TMEM255B: variants seen among roughly 807,000 people sequenced by gnomAD.
The protein encoded by TMEM255B is transmembrane protein 255B, also known as family with sequence similarity 70, member B.
In TMEM255B, 35 loss-of-function variants were observed where a neutral mutation model predicts 34.5. The ratio of observed to expected loss-of-function variants is 1.01; its 90% CI spans 0.77 to 1.34. TMEM255B has a LOEUF of 1.34. Ranked by LOEUF, TMEM255B falls within the 40% of genes most tolerant of loss-of-function variation. The pLI is 0.00. For synonymous variants in TMEM255B, 206 were observed against 201.2 expected, an observed-to-expected ratio of 1.02 and a Z score of -0.20; for missense variants, 432 against 433.2, an observed-to-expected ratio of 1.00 and a Z score of 0.02.
At chr13:113,788,465 T>C (rs1447307190) in intron 3 of TMEM255B, among the ~76,000 whole-genome samples, 2 of 151,812 alleles carry the variant, frequency 1.3e-5, no homozygotes, top group Non-Finnish European at 2.9e-5. Context: ...GCTCAGGGGT[T>C]GCACTGCCTG....
chr13:113,799,328 TG>T lies in TMEM255B; in HGVS notation c.343-10del. On this transcript the variant is annotated splice_polypyrimidine_tract_variant and intron_variant, in intron 4 of 8. Coordinates refer to ENST00000375353, the MANE Select transcript of TMEM255B (RefSeq NM_182614.4). Reference sequence around the variant, plus strand: ...CTGTTTTATTCCATCTGTGTTTATCTGTTTCTCTAGGAACCGAGGCCCCTCA... The same window carrying T: ...CTGTTTTATTCCATCTGTGTTTATCTTTTCTCTAGGAACCGAGGCCCCTCA... 1 of 1,613,702 alleles carries T rather than the reference TG, an allele frequency of 6.2e-7. No individual in the cohort carries two copies. The highest frequency in any genetic ancestry group is 8.5e-7 in the Non-Finnish European group (1 of 1,179,940).
At chr13:113,796,917 A>T (rs1835923398) in intron 4 of TMEM255B, among the ~76,000 whole-genome samples, 1 of 151,442 alleles carries the variant, frequency 6.6e-6, no homozygotes, top group Admixed American at 6.6e-5. Context: ...GTGCGTGCGC[A>T]CGCATGCACA....
chr13:113,791,357 G>A (rs958637909), intron 3 of TMEM255B, among the ~76,000 whole-genome samples: 1 of 152,236 alleles, frequency 6.6e-6, no homozygotes, highest in Non-Finnish European at 1.5e-5. Context: ...GGCACCTGCC[G>A]GCCGCCGAGC....
rs2050438582 is a variant in TMEM255B at position 113,769,183 on chromosome 13, G to A, written c.252+23G>A. The A allele has an allele frequency of 6.2e-7, 1 of 1,613,436 alleles. No individual in the cohort carries two copies. Among genetic ancestry groups the A allele is most frequent in the Non-Finnish European group, 8.5e-7 (1 of 1,179,436 alleles). ...ATGGTAAGAAAGTACATGGGGTGGTGGGGAGCATGAGTCCCTCATCAGGGG... is the reference window on the plus strand; with the variant it reads ...ATGGTAAGAAAGTACATGGGGTGGTAGGGAGCATGAGTCCCTCATCAGGGG... On this transcript the variant is annotated intron_variant, in intron 3 of 8. Coordinates refer to ENST00000375353, the MANE Select transcript of TMEM255B (RefSeq NM_182614.4). The surrounding 1 kb of genome is among the most constrained non-coding windows in gnomAD (Gnocchi z 4.2).
intron 3 of TMEM255B, among the ~76,000 whole-genome samples, chr13:113,783,490 T>C (rs972926759): frequency 3.9e-5 from 6 of 152,088 alleles, no homozygotes; most frequent in African/African-American, 1.4e-4. Flanking sequence ...AAGTAAAGGA[T>C]TGGGCTATGT....
chr13:113,764,446 G>C (rs1044335100), intron 1 of TMEM255B, among the ~76,000 whole-genome samples: 1 of 152,188 alleles, frequency 6.6e-6, no homozygotes, highest in African/African-American at 2.4e-5. Context: ...GCGGCCTCTG[G>C]TGTCTCAGGA....
rs1193139411 is a variant in TMEM255B, at chr13:113,799,432, A to G, written c.423+13A>G. On this transcript the variant is annotated intron_variant, in intron 5 of 8. Coordinates refer to ENST00000375353, the MANE Select transcript of TMEM255B (RefSeq NM_182614.4). ...CTACCAGACAGAGGTGAGCAGGAGC[A>G]CTGAGATTCATGTGGGTTTTGCTCA... The G allele has an allele frequency of 2.0e-5, 32 of 1,612,316 alleles. No individual in the cohort carries two copies. The highest frequency in any genetic ancestry group is 2.7e-5 in the Non-Finnish European group (32 of 1,178,440).
chr13:113,776,340 C>G (rs926236635), intron 3 of TMEM255B, among the ~76,000 whole-genome samples: 3 of 152,236 alleles, frequency 2.0e-5, no homozygotes, highest in African/African-American at 7.2e-5. Flanking sequence ...TTTTAGGCCC[C>G]TGAGCTTGGA....
intron 3 of TMEM255B, among the ~76,000 whole-genome samples, chr13:113,789,424 A>G (rs542020279): frequency 6.6e-6 from 1 of 152,294 alleles, no homozygotes; most frequent in East Asian, 1.9e-4. Context: ...CCTGCTATGC[A>G]CGTTCTAGGT....
intron 4 of TMEM255B, 136 bp downstream of exon 4, chr13:113,795,373 C>A: frequency 1.2e-6 from 1 of 859,196 alleles, no homozygotes; most frequent in South Asian, 1.6e-5. Context: ...TTGCCAGTGA[C>A]TGTCTCTCCT....
At chr13:113,759,429 C>G in intron 1 of TMEM255B, 114 bp downstream of exon 1, 1 of 980,438 alleles carries the variant, frequency 1.0e-6, no homozygotes, top group East Asian at 3.3e-5. Context: ...AGACGCGGCA[C>G]GGGGTCTGGT....
intron 3 of TMEM255B, among the ~76,000 whole-genome samples, chr13:113,772,053 TG>T (rs2050487369): frequency 6.6e-6 from 1 of 152,214 alleles, no homozygotes; most frequent in South Asian, 2.1e-4. Context: ...GTGTGATAAG[TG>T]GTATCTCATT....
chr13:113,809,182 A>G (rs888242973), intron 8 of TMEM255B, among the ~76,000 whole-genome samples: 2 of 100,872 alleles, frequency 2.0e-5, no homozygotes, highest in East Asian at 3.3e-4. Context: ...TGGTTCCTGG[A>G]TGTTTACTCC....
In TMEM255B at chr13:113,813,527, C is replaced by A. The variant is rs1406626494; in HGVS notation, c.*1624C>A. On this transcript the variant is annotated 3_prime_UTR_variant, in exon 9 of 9. Transcript: ENST00000375353. Reference sequence around the variant, plus strand: ...CTCGTGCAGACACAGCCTCCTGCCCCCTCTGCTGCCCGGGAGCCTCCCTCT... The same window carrying A: ...CTCGTGCAGACACAGCCTCCTGCCCACTCTGCTGCCCGGGAGCCTCCCTCT... 2 of 149,062 alleles carry A rather than the reference C, an allele frequency of 1.3e-5. No individual in the cohort carries two copies. Among genetic ancestry groups the A allele is most frequent in the Non-Finnish European group, 3.0e-5 (2 of 65,958 alleles). 9.2% of individuals were successfully genotyped at this position (149,062 alleles called of 1,614,324 possible).
Position 113,813,188 on chromosome 13 carries a change from A to T in TMEM255B, c.*1285A>T, listed in dbSNP as rs1372880542. On this transcript the variant is annotated 3_prime_UTR_variant, in exon 9 of 9. Transcript: ENST00000375353. ...AGGGCGGGAGGGCGGGCGAGAGGTGATCCCATTGCTCCCCAGACGTGCCAC... is the reference window on the plus strand; with the variant it reads ...AGGGCGGGAGGGCGGGCGAGAGGTGTTCCCATTGCTCCCCAGACGTGCCAC... 2 of 151,926 alleles carry T rather than the reference A, an allele frequency of 1.3e-5. No individual in the cohort carries two copies. Among genetic ancestry groups the T allele is most frequent in the Admixed American group, 6.6e-5 (1 of 15,264 alleles). The allele number at this position is 151,926 out of a possible 1,614,324, so 9.4% of individuals were successfully genotyped here.
chr13:113,763,498 G>A (rs1566718037), intron 1 of TMEM255B, among the ~76,000 whole-genome samples: 3 of 152,210 alleles, frequency 2.0e-5, no homozygotes, highest in South Asian at 2.1e-4. Flanking sequence ...GCAAACGACC[G>A]TGAACATATA....
intron 8 of TMEM255B, among the ~76,000 whole-genome samples, chr13:113,808,633 C>T (rs1193977189): frequency 6.8e-6 from 1 of 146,176 alleles, no homozygotes; most frequent in African/African-American, 2.6e-5. Context: ...TTCCGTGGTT[C>T]CTGGGTGGTT....
At chr13:113,760,070 T>G (rs1232570247) in intron 1 of TMEM255B, among the ~76,000 whole-genome samples, 15 of 151,664 alleles carry the variant, frequency 9.9e-5, no homozygotes, top group Admixed American at 9.9e-4. Context: ...AGAAACAGAG[T>G]TCCCTAGAAA....
chr13:113,774,101 A>G (rs1594123584), intron 3 of TMEM255B, among the ~76,000 whole-genome samples: 1 of 143,286 alleles, frequency 7.0e-6, no homozygotes, highest in Admixed American at 7.0e-5. Context: ...ACCCAACTCC[A>G]TCACTTGTCC....
Sources: allele counts gnomAD v4.1 joint callset (sites outside exome capture counted in the v4.1 genomes callset), GRCh38; gene constraint gnomAD v4.1.1; non-coding constraint Gnocchi (gnomAD v3.1); transcripts MANE v1.5; gene names NCBI Gene and HGNC (gene_info 2026-07-23, HGNC 2026-07-21).